The following STRBP variants were observed in gnomAD, a reference collection of about 807,000 sequenced individuals.
STRBP encodes the protein spermatid perinuclear RNA binding protein.
A neutral mutation model predicts 80.1 loss-of-function variants in STRBP; 13 were observed. That is an observed-to-expected ratio of 0.16 (90% CI 0.11 to 0.26). The LOEUF is 0.26. STRBP is among the 10% of genes least tolerant of loss of function. The pLI, the probability that STRBP is intolerant of heterozygous loss-of-function variation, is 1.00. For synonymous variants in STRBP, 284 were observed against 291.2 expected (o/e 0.98, Z 0.25); for missense variants, 485 against 815.2 (o/e 0.59, Z 4.93).
chr9:123,116,033 A>C (rs1190586947), exon 3 of STRBP: 1 of 456,092 alleles, frequency 2.2e-6, no homozygotes, highest in Non-Finnish European at 4.4e-6. Context: ...TGAGTTCCCC[A>C]GGTGCCAATT....
intron 2 of STRBP, among the ~76,000 whole-genome samples, chr9:123,236,327 A>C (rs181211694): frequency 1.3e-4 from 20 of 152,258 alleles, no homozygotes; most frequent in Admixed American, 1.3e-3. Flanking sequence ...TTTTATTTCT[A>C]TTTCATTTGC....
intron 16 of STRBP, 124 bp from the exon 17 acceptor site, chr9:123,133,092 G>A: frequency 8.3e-7 from 1 of 1,202,196 alleles, no homozygotes; most frequent in Non-Finnish European, 1.1e-6. Context: ...TGAGCTGTCT[G>A]TGATCTTGAA....
intron 1 of STRBP, among the ~76,000 whole-genome samples, chr9:123,243,265 CAAAAA>C (rs1160280485): frequency 1.3e-5 from 1 of 78,932 alleles, no homozygotes; most frequent in African/African-American, 3.7e-5. Context: ...ATCAATAAGA[CAAAAA>C]AAAAAAAAAA....
rs1019521473 is a variant in STRBP at position 123,124,711 on chromosome 9, G to T, written c.*886C>A. On this transcript the variant is annotated 3_prime_UTR_variant, in exon 19 of 19. Coordinates refer to ENST00000348403, the MANE Select transcript of STRBP (RefSeq NM_018387.5). ...GAAGGCCACAAGAACAAGAGAGGGTGATTGATTGATTAATTTATTATTTTT... is the reference window on the plus strand; with the variant it reads ...GAAGGCCACAAGAACAAGAGAGGGTTATTGATTGATTAATTTATTATTTTT... The T allele has an allele frequency of 1.0e-6, 1 of 984,152 alleles. No individual in the cohort carries two copies. The highest frequency in any genetic ancestry group is 1.7e-5 in the African/African-American group (1 of 57,234). The allele number at this position is 984,152 out of a possible 1,614,324, so 61.0% of individuals were successfully genotyped here. A position where few individuals can be genotyped will look rare whatever the true frequency, so the allele number is the denominator to read the frequency against.
chr9:123,172,665 G>C (rs2038059325), intron 5 of STRBP, among the ~76,000 whole-genome samples: 1 of 152,012 alleles, frequency 6.6e-6, no homozygotes, highest in Admixed American at 6.6e-5. Context: ...GTGCCAATCA[G>C]TAAAATAAAT....
chr9:123,194,030 G>C (rs2039013095), intron 2 of STRBP, among the ~76,000 whole-genome samples: 1 of 152,042 alleles, frequency 6.6e-6, no homozygotes, highest in Admixed American at 6.5e-5. Context: ...AGGTAATCCT[G>C]GCATTTGGGA....
intron 6 of STRBP, 78 bp from the exon 7 acceptor site, chr9:123,161,146 A>G: frequency 1.8e-6 from 2 of 1,107,320 alleles, no homozygotes; most frequent in Non-Finnish European, 2.6e-6. Flanking sequence ...ACAATAAAAA[A>G]TAAAAAGAAT....
rs2035903251 is a variant in STRBP, at chr9:123,126,581, CAA to C, written c.1943-910_1943-909del. ...AATGTTAAAGGAGGAAAGGGAGGAA[CAA>C]GAGAGAAAAAAAGACCAAGGAAAAA... On this transcript the variant is annotated intron_variant, in intron 18 of 18. Coordinates refer to ENST00000348403, the MANE Select transcript of STRBP (RefSeq NM_018387.5). This position sits in a 1 kb window ranked among gnomAD's most constrained non-coding sequence, Gnocchi z 4.4. Among the ~76,000 whole-genome samples the C allele has an allele frequency of 6.6e-6, 1 of 151,186 alleles. No individual in the cohort carries two copies. The highest frequency in any genetic ancestry group is 1.5e-5 in the Non-Finnish European group (1 of 67,824).
chr9:123,131,335 C>T (rs1367782430), intron 17 of STRBP, among the ~76,000 whole-genome samples: 1 of 152,196 alleles, frequency 6.6e-6, no homozygotes, highest in Non-Finnish European at 1.5e-5. Flanking sequence ...AAACAACGGC[C>T]TCCAGGTCTG....
chr9:123,177,723 T>C (rs2038281729), intron 4 of STRBP, among the ~76,000 whole-genome samples: 1 of 152,048 alleles, frequency 6.6e-6, no homozygotes, highest in South Asian at 2.1e-4. Context: ...AATTAGAAAA[T>C]GTATTAAAAA....
At chr9:123,249,531 C>G (rs1485630857) in intron 1 of STRBP, among the ~76,000 whole-genome samples, 1 of 151,936 alleles carries the variant, frequency 6.6e-6, no homozygotes, top group Non-Finnish European at 1.5e-5. Context: ...GTCCCAGACA[C>G]CAAGGAGGCT....
intron 2 of STRBP, among the ~76,000 whole-genome samples, chr9:123,222,404 A>G (rs2040095897): frequency 6.6e-6 from 1 of 152,112 alleles, no homozygotes; most frequent in Non-Finnish European, 1.5e-5. Flanking sequence ...TTTAGTGGCA[A>G]ATGGTATTAA....
intron 1 of STRBP, among the ~76,000 whole-genome samples, chr9:123,258,647 CA>C (rs1305327462): frequency 4.6e-5 from 7 of 151,672 alleles, no homozygotes; most frequent in Non-Finnish European, 1.0e-4. Context: ...ATTAAAAATA[CA>C]AAAAAATTAG....
chr9:123,161,405 T>C (rs551288120), intron 6 of STRBP, among the ~76,000 whole-genome samples: 2 of 152,320 alleles, frequency 1.3e-5, no homozygotes, highest in African/African-American at 4.8e-5. Context: ...CAGAGCACTT[T>C]TTCCTTTGGC....
chr9:123,195,671 A>G (rs985601567), intron 2 of STRBP, among the ~76,000 whole-genome samples: 3 of 152,204 alleles, frequency 2.0e-5, no homozygotes, highest in Admixed American at 1.3e-4. Context: ...TGAAAACTAT[A>G]AAGTGCTGAT....
chr9:123,243,843 T>TTTGGAAAAGTTTAGAAG (rs1564332401), intron 1 of STRBP, among the ~76,000 whole-genome samples: 1 of 152,332 alleles, frequency 6.6e-6, no homozygotes, highest in East Asian at 1.9e-4. Context: ...AAAATGGTAC[T>TTTGGAAAAGTTTAGAAG]TTGGAAAAGT....
intron 2 of STRBP, among the ~76,000 whole-genome samples, chr9:123,185,364 C>T (rs879235018): frequency 5.3e-5 from 8 of 152,014 alleles, no homozygotes; most frequent in Non-Finnish European, 1.0e-4. Context: ...GCCAGAAGTT[C>T]GAGACCAGAC....
chr9:123,111,631 C>T (rs745753111), intron 3 of STRBP: 4 of 477,600 alleles, frequency 8.4e-6, no homozygotes, highest in South Asian at 3.1e-5. Context: ...GCTGGAGCCA[C>T]AGCACGTGAC....
chr9:123,150,528 G>A (rs1018875345), intron 11 of STRBP, among the ~76,000 whole-genome samples: 11 of 152,138 alleles, frequency 7.2e-5, no homozygotes, highest in African/African-American at 2.6e-4. Context: ...GACTGCACCT[G>A]CAAATAGCCA....
Sources: allele counts gnomAD v4.1 joint callset (sites outside exome capture counted in the v4.1 genomes callset), GRCh38; gene constraint gnomAD v4.1.1; non-coding constraint Gnocchi (gnomAD v3.1); transcripts MANE v1.5; gene names NCBI Gene and HGNC (gene_info 2026-07-23, HGNC 2026-07-21).